The following IL1RAP variants were observed in gnomAD, a reference collection of about 807,000 sequenced individuals.
The protein encoded by IL1RAP is interleukin-1 receptor accessory protein.
A neutral mutation model predicts 60.7 loss-of-function variants in IL1RAP; 35 were observed. The observed-to-expected ratio is 0.58, with a 90% CI of 0.44 to 0.76. The LOEUF (loss-of-function observed/expected upper bound fraction) is 0.76. Ranked by LOEUF, IL1RAP falls within the 30% of genes least tolerant of loss-of-function variation. The pLI is 0.00. For missense variants in IL1RAP, 572 were observed against 693.9 expected (o/e 0.82, Z 1.97); for synonymous variants, 268 against 250.9 (o/e 1.07, Z -0.64).
At chr3:190,605,476 T>G (rs1032711313) in intron 4 of IL1RAP, among the ~76,000 whole-genome samples, 6 of 152,226 alleles carry the variant, frequency 3.9e-5, no homozygotes, top group Non-Finnish European at 5.9e-5. Flanking sequence ...GCCTTTGTTT[T>G]CTAAACTCCC....
At chr3:190,539,427 G>A (rs1002936832) in intron 1 of IL1RAP, among the ~76,000 whole-genome samples, 1 of 152,070 alleles carries the variant, frequency 6.6e-6, no homozygotes, top group Non-Finnish European at 1.5e-5. Flanking sequence ...GATACAGATT[G>A]TAACAGACTT....
chr3:190,558,609 T>G (rs1030557187), intron 2 of IL1RAP, among the ~76,000 whole-genome samples: 1 of 152,218 alleles, frequency 6.6e-6, no homozygotes, highest in Non-Finnish European at 1.5e-5. Context: ...TCTTTATGAC[T>G]TAAACATTTT....
rs1734241801 is a variant in IL1RAP, at chr3:190,649,119, A to G, written c.*414A>G. The G allele has an allele frequency of 1.0e-6, 1 of 988,176 alleles. No homozygotes were observed. Among genetic ancestry groups the G allele is most frequent in the South Asian group, 4.7e-5 (1 of 21,472 alleles). 61.2% of individuals were successfully genotyped at this position (988,176 alleles called of 1,614,324 possible). ...AGTTTCCGAGTATAGTTTTCTTTTT[A>G]TCTTATTTTTACTCGTCCGTTGAAA... On this transcript the variant is annotated 3_prime_UTR_variant, in exon 12 of 12. Transcript: ENST00000447382.
At chr3:190,630,380 A>T (rs1732680999) in intron 9 of IL1RAP, 2 of 128,398 alleles carry the variant, frequency 1.6e-5, no homozygotes. Context: ...TGAGAAAAGT[A>T]ATGATGAGTT....
intron 1 of IL1RAP, among the ~76,000 whole-genome samples, chr3:190,532,932 T>C (rs9823237): frequency 0.02 from 3,011 of 152,280 alleles, 82 homozygotes; most frequent in African/African-American, 0.067. Flanking sequence ...AATCAATTGA[T>C]GATAGTTCCT....
At chr3:190,554,500 G>A (rs960446583) in intron 1 of IL1RAP, 2 of 152,190 alleles carry the variant, frequency 1.3e-5, no homozygotes, top group African/African-American at 4.8e-5. Context: ...TTTGCTTAAT[G>A]TTGTGTTAAG....
intron 5 of IL1RAP, among the ~76,000 whole-genome samples, chr3:190,610,873 A>G (rs964704878): frequency 2.1e-4 from 32 of 152,194 alleles, no homozygotes; most frequent in African/African-American, 7.7e-4. Context: ...AACCGAAATA[A>G]TTTGAACCTA....
At chr3:190,525,767 T>C (rs967234161) in intron 1 of IL1RAP, among the ~76,000 whole-genome samples, 1 of 152,216 alleles carries the variant, frequency 6.6e-6, no homozygotes, top group African/African-American at 2.4e-5. Context: ...TGGCTTTGCT[T>C]TTTCTCAAAT....
At chr3:190,519,248 G>T (rs1463588165) in intron 1 of IL1RAP, among the ~76,000 whole-genome samples, 2 of 152,170 alleles carry the variant, frequency 1.3e-5, no homozygotes, top group East Asian at 1.9e-4. Context: ...AAGCTAAAAT[G>T]GAGAAAGGGG....
chr3:190,637,919 G>A (rs542887720), intron 9 of IL1RAP, among the ~76,000 whole-genome samples: 2 of 151,998 alleles, frequency 1.3e-5, no homozygotes, highest in South Asian at 2.1e-4. Flanking sequence ...CTCAGCAAAT[G>A]TTCTTGATAT....
chr3:190,554,060 CAAAAAAAAAAAAAAAA>C (rs1166716731), intron 1 of IL1RAP, among the ~76,000 whole-genome samples: 1 of 87,910 alleles, frequency 1.1e-5, no homozygotes, highest in Admixed American at 1.2e-4. Context: ...GACTCCGTCT[CAAAAAAAAAAAAAAAA>C]AAAAAAAAAA....
chr3:190,516,780 G>A (rs1301444380), intron 1 of IL1RAP, among the ~76,000 whole-genome samples: 4 of 152,156 alleles, frequency 2.6e-5, no homozygotes, highest in Non-Finnish European at 5.9e-5. Context: ...AAATTCAATA[G>A]AATAATGTCA....
At chr3:190,629,635 T>G in intron 9 of IL1RAP, 137 bp downstream of exon 9, 1 of 1,396,016 alleles carries the variant, frequency 7.2e-7, no homozygotes, top group Non-Finnish European at 9.3e-7. Context: ...TGAATCAAAC[T>G]TAAATGAAAA....
At chr3:190,567,327 C>T (rs1188333762) in intron 3 of IL1RAP, among the ~76,000 whole-genome samples, 4 of 152,034 alleles carry the variant, frequency 2.6e-5, no homozygotes, top group African/African-American at 9.7e-5. Context: ...ATTATAATAG[C>T]GATTCTATAA....
At chr3:190,553,426 A>G (rs1218648687) in intron 1 of IL1RAP, among the ~76,000 whole-genome samples, 1 of 152,216 alleles carries the variant, frequency 6.6e-6, no homozygotes, top group East Asian at 1.9e-4. Flanking sequence ...TGATGGAGAA[A>G]AGGAAAGAAA....
At chr3:190,576,098 A>G (rs1267876734) in intron 3 of IL1RAP, among the ~76,000 whole-genome samples, 2 of 152,182 alleles carry the variant, frequency 1.3e-5, no homozygotes, top group East Asian at 3.8e-4. Context: ...CTTGTACTTT[A>G]CCTCAAAACA....
At chr3:190,525,389 A>G (rs1405003535) in intron 1 of IL1RAP, among the ~76,000 whole-genome samples, 1 of 152,208 alleles carries the variant, frequency 6.6e-6, no homozygotes, top group Non-Finnish European at 1.5e-5. Flanking sequence ...AGTAAGAGAC[A>G]GTGAAGAGCT....
intron 1 of IL1RAP, among the ~76,000 whole-genome samples, chr3:190,521,647 A>G (rs901041641): frequency 6.6e-5 from 10 of 151,998 alleles, no homozygotes; most frequent in Non-Finnish European, 2.9e-5. Flanking sequence ...GAGAATTACA[A>G]CCGGGTACTG....
chr3:190,562,657 A>G (rs1725991878), intron 2 of IL1RAP, among the ~76,000 whole-genome samples: 1 of 150,818 alleles, frequency 6.6e-6, no homozygotes, highest in African/African-American at 2.4e-5. Context: ...TGATGTGCTT[A>G]TTTCACATTG....
Sources: gnomAD v4.1 joint callset for allele counts (sites outside exome capture counted in the v4.1 genomes callset) on GRCh38, gnomAD v4.1.1 for gene constraint, MANE v1.5 for transcripts, NCBI Gene and HGNC (gene_info 2026-07-23, HGNC 2026-07-21) for gene names.